Variants in CYP2C19 observed in about 807,000 individuals in gnomAD.
CYP2C19 encodes cytochrome P450 family 2 subfamily C member 19.
In CYP2C19, 59 loss-of-function variants were observed where a neutral mutation model predicts 40.9. That is an observed-to-expected ratio of 1.44 (90% confidence interval 1.17 to 1.79). CYP2C19 has a LOEUF of 1.79. Among genes scored for constraint, CYP2C19 ranks in the 40% most tolerant of loss-of-function variants. The pLI, the probability that CYP2C19 is intolerant of heterozygous loss-of-function variation, is 0.00. For synonymous variants in CYP2C19, 253 were observed against 208.7 expected (o/e 1.21, Z -1.83); for missense variants, 754 against 596.9 (o/e 1.26, Z -2.74).
chr10:94,852,894 C>T lies in CYP2C19; in HGVS notation c.1453C>T (p.Leu485=), dbSNP rs1259727213. 1.2e-6 allele frequency: 2 copies of T among 1,613,986 alleles called. No homozygotes were observed. The highest frequency in any genetic ancestry group is 1.7e-5 in the Admixed American group (1 of 59,970). Residue 485 remains leucine, a synonymous_variant, in exon 9 of 9, where the codon CTG becomes TTG. Coordinates refer to ENST00000371321, the MANE Select transcript of CYP2C19 (RefSeq NM_000769.4). ...TGCTTCTGTCCCGCCCTTCTATCAGCTGTGCTTCATTCCTGTCTGAAGAAG... is the reference window on the plus strand; with the variant it reads ...TGCTTCTGTCCCGCCCTTCTATCAGTTGTGCTTCATTCCTGTCTGAAGAAG... ...GFASVPPFYQ[L]CFIPV
At chr10:94,766,026 C>T (rs181374691) in intron 1 of CYP2C19, among the ~76,000 whole-genome samples, 2 of 152,234 alleles carry the variant, frequency 1.3e-5, no homozygotes, top group East Asian at 3.9e-4. Flanking sequence ...ATTGCACGTC[C>T]TGTTAGGGTA....
intron 6 of CYP2C19, among the ~76,000 whole-genome samples, chr10:94,837,535 C>T (rs1485649487): frequency 4.6e-5 from 7 of 152,120 alleles, no homozygotes. Context: ...GGGAGTGGGG[C>T]TTTCAGGCAT....
intron 5 of CYP2C19, among the ~76,000 whole-genome samples, chr10:94,799,868 G>T (rs1848739959): frequency 6.6e-6 from 1 of 151,886 alleles, no homozygotes; most frequent in Non-Finnish European, 1.5e-5. Flanking sequence ...GTCATTTAAG[G>T]TCTTCTCTAC....
At chr10:94,822,104 C>T (rs893882629) in intron 6 of CYP2C19, among the ~76,000 whole-genome samples, 8 of 152,098 alleles carry the variant, frequency 5.3e-5, no homozygotes, top group African/African-American at 1.7e-4. Context: ...ATCTATAGTG[C>T]TGCAAAAGAC....
intron 5 of CYP2C19, among the ~76,000 whole-genome samples, chr10:94,793,721 G>A (rs537796418): frequency 7.8e-4 from 119 of 152,264 alleles, no homozygotes; most frequent in African/African-American, 2.6e-3. Flanking sequence ...TCCTCTGGAA[G>A]CTTTGTCTCA....
intron 5 of CYP2C19, among the ~76,000 whole-genome samples, chr10:94,819,131 G>A (rs1444729824): frequency 1.3e-5 from 2 of 150,460 alleles, no homozygotes; most frequent in African/African-American, 4.9e-5. Context: ...ACCTGCTCCT[G>A]AATGACTACT....
Position 94,820,583 on chromosome 10 carries a change from A to G in CYP2C19, c.907A>G (p.Ser303Gly), listed in dbSNP as rs778617758. The G allele has an allele frequency of 2.7e-5, 43 of 1,614,126 alleles. No homozygotes were observed. Among genetic ancestry groups the G allele is most frequent in the South Asian group, 8.8e-5 (8 of 91,092 alleles). ...DLLGAGTETT[S>G]TTLRYALLLL... ...ACTTGGAGCTGGGACAGAGACAACA[A>G]GCACAACCCTGAGATATGCTCTCCT... is the stretch of plus-strand genomic sequence containing the variant. Residue 303 changes from serine (S) to glycine (G), a missense_variant, in exon 6 of 9, where the codon AGC becomes GGC. Ser to Gly is a moderately conservative substitution (Grantham distance 56). Coordinates refer to ENST00000371321, the MANE Select transcript of CYP2C19 (RefSeq NM_000769.4).
intron 5 of CYP2C19, among the ~76,000 whole-genome samples, chr10:94,802,773 G>A (rs189794895): frequency 2.0e-5 from 3 of 152,216 alleles, no homozygotes; most frequent in Admixed American, 2.0e-4. Context: ...TTGTAAGGCA[G>A]GCCTGGTGGT....
chr10:94,816,940 GGT>G (rs1425481025), intron 5 of CYP2C19, among the ~76,000 whole-genome samples: 1 of 131,386 alleles, frequency 7.6e-6, no homozygotes, highest in Non-Finnish European at 1.6e-5. Flanking sequence ...AGTATTCCAT[GGT>G]GTATATGTGC....
At chr10:94,852,175 T>G (rs1589380432) in intron 8 of CYP2C19, among the ~76,000 whole-genome samples, 1 of 151,980 alleles carries the variant, frequency 6.6e-6, no homozygotes, top group East Asian at 1.9e-4. Context: ...AATGTGAGGG[T>G]CCAGGTCAAG....
intron 8 of CYP2C19, 75 bp from the exon 9 acceptor site, chr10:94,852,658 A>T (rs112041803): frequency 1.5e-5 from 22 of 1,507,976 alleles, no homozygotes; most frequent in Non-Finnish European, 1.9e-5. Context: ...TGTCTGTGCC[A>T]GTTATAGAGA....
In CYP2C19 at chr10:94,842,908, A is replaced by C; in HGVS notation, c.1033A>C (p.Met345Leu). ...CCCCTGCATGCAGGACAGGGGCCAC[A>C]TGCCCTACACAGATGCTGTGGTGCA... ...RSPCMQDRGH[M>L]PYTDAVVHEV... Residue 345 changes from methionine to leucine, a missense_variant, in exon 7 of 9, where the codon ATG (methionine) becomes CTG (leucine). Physicochemically the swap from Met to Leu is conservative, Grantham distance 15. Transcript: ENST00000371321. 6.2e-7 allele frequency: 1 copy of C among 1,614,216 alleles called. No homozygotes were observed. The highest frequency in any genetic ancestry group is 1.1e-5 in the South Asian group (1 of 91,088).
rs1849686859 is a variant in CYP2C19, at chr10:94,853,539, T to C, written c.*625T>C. ...GGAATGGATATTAAATGTTCCACAT[T>C]GGTGTTCCTTTTTTTTTTTTTTTTG... On this transcript the variant is annotated 3_prime_UTR_variant, in exon 9 of 9. Coordinates refer to ENST00000371321, the MANE Select transcript of CYP2C19 (RefSeq NM_000769.4). 1.6e-5 allele frequency among the ~76,000 whole-genome samples: 2 copies of C among 126,760 alleles called. No homozygotes were observed. The highest frequency in any genetic ancestry group is 2.9e-5 in the African/African-American group (1 of 33,998). The allele number at this position is 126,760 out of a possible 152,430, so 83.2% of individuals were successfully genotyped here.
chr10:94,791,111 C>T (rs565040732), intron 5 of CYP2C19, among the ~76,000 whole-genome samples: 2 of 152,038 alleles, frequency 1.3e-5, no homozygotes, highest in South Asian at 2.1e-4. Context: ...TGTATGTGTC[C>T]GGGAATTTAT....
intron 6 of CYP2C19, among the ~76,000 whole-genome samples, chr10:94,837,781 G>A (rs1428869846): frequency 6.6e-6 from 1 of 152,246 alleles, no homozygotes; most frequent in East Asian, 1.9e-4. Flanking sequence ...GGCATGGGCT[G>A]GGGCTTGCCC....
At position 94,806,169 on chromosome 10, in the gene CYP2C19, G is replaced by T. The variant is rs537626786; in HGVS notation, c.820-14327G>T. 2.6e-5 allele frequency among the ~76,000 whole-genome samples: 4 copies of T among 152,078 alleles called. No homozygotes were observed. The East Asian group carries it at 5.8e-4, about 22-fold the overall frequency. On this transcript the variant is annotated intron_variant, in intron 5 of 8. Transcript: ENST00000371321. ...ATTACATATTTGCCCTTTTGTGACTGGTTTATTTCACTTTGCCTAATGTTA... is the reference window on the plus strand; with the variant it reads ...ATTACATATTTGCCCTTTTGTGACTTGTTTATTTCACTTTGCCTAATGTTA...
chr10:94,804,546 A>G (rs571099675), intron 5 of CYP2C19, among the ~76,000 whole-genome samples: 57 of 152,308 alleles, frequency 3.7e-4, no homozygotes, highest in Admixed American at 1.5e-3. Flanking sequence ...CCCTCTCAGC[A>G]TGTTCAAGCC....
chr10:94,790,693 G>A (rs1848594056), intron 5 of CYP2C19, among the ~76,000 whole-genome samples: 1 of 152,112 alleles, frequency 6.6e-6, no homozygotes, highest in Non-Finnish European at 1.5e-5. Context: ...CCGGGATGAA[G>A]CCAACTTGAT....
chr10:94,767,636 A>G (rs1321903124), intron 1 of CYP2C19, among the ~76,000 whole-genome samples: 1 of 151,760 alleles, frequency 6.6e-6, no homozygotes, highest in Non-Finnish European at 1.5e-5. Context: ...AGAGGCTTTG[A>G]CTACCTGTCG....
Sources: gnomAD v4.1 joint callset for allele counts (sites outside exome capture counted in the v4.1 genomes callset) on GRCh38, gnomAD v4.1.1 for gene constraint, MANE v1.5 for transcripts, NCBI Gene and HGNC (gene_info 2026-07-23, HGNC 2026-07-21) for gene names.